Variants in CHM observed in about 807,000 individuals in gnomAD.
CHM encodes the protein rab proteins geranylgeranyltransferase component A 1.
CHM carries 10 observed loss-of-function variants against 49.0 expected under a neutral mutation model. The observed-to-expected ratio is 0.20, with a 90% CI of 0.13 to 0.35. CHM has a LOEUF of 0.35. Among genes scored for constraint, CHM ranks in the 10% least tolerant of loss-of-function variants. CHM has a pLI of 1.00. For synonymous variants in CHM, 184 were observed against 167.5 expected (o/e 1.10, Z -0.76); for missense variants, 455 against 478.4 (o/e 0.95, Z 0.46).
chrX:85,929,640 T>G (rs1486446145), intron 8 of CHM, among the ~76,000 whole-genome samples: 1 of 112,187 alleles, frequency 8.9e-6, no homozygotes, highest in African/African-American at 3.2e-5. Flanking sequence ...TAAATACGCA[T>G]AAGATAAAAC....
chrX:85,904,788 T>C (rs1026886793), intron 9 of CHM, among the ~76,000 whole-genome samples: 5 of 111,829 alleles, frequency 4.5e-5, no homozygotes, highest in Non-Finnish European at 7.5e-5. Context: ...AGCAGGCAAA[T>C]AACTTCAAAT....
At chrX:85,992,155 T>A (rs755595424) in intron 2 of CHM, among the ~76,000 whole-genome samples, 28 of 111,757 alleles carry the variant, frequency 2.5e-4, no homozygotes, top group Non-Finnish European at 5.1e-4. Flanking sequence ...ATACTATAAG[T>A]AAAGACAGTG....
chrX:85,952,327 G>T (rs1265166435), intron 8 of CHM, among the ~76,000 whole-genome samples: 1 of 110,578 alleles, frequency 9.0e-6, no homozygotes, highest in Non-Finnish European at 1.9e-5. Context: ...CTTGAGAAGA[G>T]GAGAGCAAAG....
At chrX:85,899,676 A>ACC (rs1172699575) in intron 11 of CHM, among the ~76,000 whole-genome samples, 15 of 63,945 alleles carry the variant, frequency 2.3e-4, no homozygotes, top group Non-Finnish European at 2.9e-4. Context: ...AATGCTCTAA[A>ACC]CCCACCCCCC....
intron 2 of CHM, among the ~76,000 whole-genome samples, chrX:85,999,302 C>A (rs1020503604): frequency 1.8e-5 from 2 of 111,378 alleles, no homozygotes; most frequent in Admixed American, 9.5e-5. Flanking sequence ...GTATTTATGA[C>A]AATTATTTGG....
At chrX:86,008,215 C>T (rs1932908865) in intron 2 of CHM, among the ~76,000 whole-genome samples, 1 of 111,501 alleles carries the variant, frequency 9.0e-6, no homozygotes, top group South Asian at 3.8e-4. Flanking sequence ...AATGAGATCA[C>T]TTGGACACAG....
chrX:85,976,875 AACACACACACACACACACAC>A (rs201555478), intron 4 of CHM, among the ~76,000 whole-genome samples: 2 of 76,311 alleles, frequency 2.6e-5, no homozygotes, highest in Non-Finnish European at 2.9e-5. Flanking sequence ...AACACACACA[AACACACACACACACACACAC>A]ACACACACAC....
chrX:85,947,449 C>T (rs1363455315), intron 8 of CHM, among the ~76,000 whole-genome samples: 2 of 111,578 alleles, frequency 1.8e-5, no homozygotes, highest in Non-Finnish European at 3.8e-5. Context: ...TGCTCCTGCT[C>T]TGGTCATGTG....
At chrX:85,889,161 ATT>A (rs1925283616) in intron 12 of CHM, among the ~76,000 whole-genome samples, 1 of 111,963 alleles carries the variant, frequency 8.9e-6, no homozygotes. Flanking sequence ...ACTATTTACA[ATT>A]TATGACCAAG....
chrX:85,940,476 G>C (rs1278485092), intron 8 of CHM, among the ~76,000 whole-genome samples: 1 of 111,734 alleles, frequency 8.9e-6, no homozygotes, highest in Admixed American at 9.5e-5. Context: ...TGCCTCTATA[G>C]GGCATTTGGC....
intron 8 of CHM, among the ~76,000 whole-genome samples, chrX:85,913,356 G>GA (rs1569411208): frequency 1.6e-5 from 1 of 63,580 alleles, no homozygotes; most frequent in Admixed American, 1.7e-4. Flanking sequence ...AAGAAAGAAA[G>GA]AAAGAAAGAA....
chrX:85,868,585 C>T (rs889227303), intron 14 of CHM, among the ~76,000 whole-genome samples: 1 of 111,200 alleles, frequency 9.0e-6, no homozygotes, highest in Admixed American at 9.6e-5. Flanking sequence ...CAAATTCTAT[C>T]AATTTTATCT....
At chrX:85,931,853 T>A (rs1040153580) in intron 8 of CHM, among the ~76,000 whole-genome samples, 1 of 112,312 alleles carries the variant, frequency 8.9e-6, no homozygotes, top group Non-Finnish European at 1.9e-5. Context: ...ATTTAAGTAT[T>A]CAATTCTTAG....
intron 14 of CHM, among the ~76,000 whole-genome samples, chrX:85,865,232 G>C (rs1187693493): frequency 9.0e-6 from 1 of 111,532 alleles, no homozygotes; most frequent in Admixed American, 9.5e-5. Flanking sequence ...CACGTGTTAG[G>C]GGGTGACTAG....
intron 9 of CHM, among the ~76,000 whole-genome samples, chrX:85,904,373 G>A (rs1199773035): frequency 9.0e-6 from 1 of 111,373 alleles, no homozygotes; most frequent in Non-Finnish European, 1.9e-5. Context: ...CAAATCACAA[G>A]TTATTCAGTT....
intron 2 of CHM, among the ~76,000 whole-genome samples, chrX:85,999,811 C>A (rs1382497523): frequency 8.9e-6 from 1 of 111,826 alleles, no homozygotes; most frequent in South Asian, 3.7e-4. Flanking sequence ...TACAATATAG[C>A]AGAAGTTAAC....
chrX:85,987,414 G>A (rs1169954835), intron 2 of CHM, among the ~76,000 whole-genome samples: 2 of 111,705 alleles, frequency 1.8e-5, no homozygotes, highest in Non-Finnish European at 3.8e-5. Flanking sequence ...CAGCTAGAGA[G>A]AAAGGGCACC....
At chrX:85,890,612 G>A (rs926352387) in intron 12 of CHM, among the ~76,000 whole-genome samples, 1 of 112,020 alleles carries the variant, frequency 8.9e-6, no homozygotes, top group Non-Finnish European at 1.9e-5. Context: ...CACGTAAGAA[G>A]TGCCTTTTGC....
At chrX:85,876,751 G>T (rs1183159860) in intron 13 of CHM, among the ~76,000 whole-genome samples, 6 of 111,564 alleles carry the variant, frequency 5.4e-5, no homozygotes, top group Admixed American at 3.8e-4. Flanking sequence ...TCTTATCAAA[G>T]AATTCCTCTC....
Sources: gnomAD v4.1 joint callset for allele counts (sites outside exome capture counted in the v4.1 genomes callset) on GRCh38, gnomAD v4.1.1 for gene constraint, MANE v1.5 for transcripts, NCBI Gene and HGNC (gene_info 2026-07-23, HGNC 2026-07-21) for gene names.